Variants in CDC42BPB observed in about 807,000 individuals in gnomAD.
The protein encoded by CDC42BPB is CDC42 binding protein kinase beta, also known as serine/threonine-protein kinase MRCK beta.
Under a neutral mutation model 214.9 loss-of-function variants are expected in CDC42BPB, and 37 were observed. The ratio of observed to expected loss-of-function variants is 0.17; its 90% CI spans 0.13 to 0.23. CDC42BPB has a LOEUF of 0.23. Ranked by LOEUF, CDC42BPB falls within the 10% of genes least tolerant of loss-of-function variation. The pLI is 1.00. For missense variants in CDC42BPB, 1,694 were observed against 2,227.0 expected, an observed-to-expected ratio of 0.76 and a Z score of 4.82; for synonymous variants, 931 against 884.0, an observed-to-expected ratio of 1.05 and a Z score of -0.94.
chr14:102,976,993 T>C (rs905017444), intron 9 of CDC42BPB, among the ~76,000 whole-genome samples: 4 of 152,172 alleles, frequency 2.6e-5, no homozygotes, highest in African/African-American at 2.4e-5. Flanking sequence ...GCTTATGGGC[T>C]GTTTAACCCT....
At position 103,050,439 on chromosome 14, in the gene CDC42BPB, T is replaced by C. The variant is rs377430057; in HGVS notation, c.175+6560A>G. Among the ~76,000 whole-genome samples, 17 of 152,304 alleles carry C rather than the reference T, an allele frequency of 1.1e-4. No individual in the cohort carries two copies. The South Asian group carries it at 3.5e-3, about 32-fold the overall frequency. ...TACCCAACCTGAGTGGGGAGTGGGC[T>C]GGAGGGCAGGTTAACATGACCTCCC... On this transcript the variant is annotated intron_variant, in intron 1 of 36. Transcript: ENST00000361246.
chr14:103,028,642 G>A (rs1036797915), intron 1 of CDC42BPB, among the ~76,000 whole-genome samples: 2 of 152,234 alleles, frequency 1.3e-5, no homozygotes, highest in South Asian at 2.1e-4. Context: ...CTCAACAGGT[G>A]CATGTGAGTG....
chr14:103,031,500 G>A (rs1887373821), intron 1 of CDC42BPB, among the ~76,000 whole-genome samples: 1 of 152,176 alleles, frequency 6.6e-6, no homozygotes, highest in Non-Finnish European at 1.5e-5. Context: ...AGCTACAAGA[G>A]CTGTCAAAAA....
chr14:102,954,215 C>T lies in CDC42BPB; in HGVS notation c.3049G>A (p.Ala1017Thr). The T allele has an allele frequency of 6.5e-7, 1 of 1,549,216 alleles. No homozygotes were observed. The highest frequency in any genetic ancestry group is 1.4e-5 in the African/African-American group (1 of 73,016). ...GCCCCTACCTTCGGTCCAGCCAGAG[C>T]CAGGGCCTGCGTGGTGGGCAACGGC... ...AVPLPTTQAL[A>T]LAGPKPKAHQ... Residue 1017 changes from alanine to threonine, a missense_variant, in exon 23 of 37, where the codon GCT becomes ACT. Coordinates refer to ENST00000361246, the MANE Select transcript of CDC42BPB (RefSeq NM_006035.4).
chr14:102,943,321 G>GTCCAC lies in CDC42BPB; in HGVS notation c.4408+565_4408+569dup, dbSNP rs1353754370. 6.6e-6 allele frequency among the ~76,000 whole-genome samples: 1 copy of GTCCAC among 152,228 alleles called. No individual in the cohort carries two copies. Among genetic ancestry groups the GTCCAC allele is most frequent in the African/African-American group, 2.4e-5 (1 of 41,452 alleles). On this transcript the variant is annotated intron_variant, in intron 30 of 36. Transcript: ENST00000361246. The surrounding 1 kb of genome is among the most constrained non-coding windows in gnomAD (Gnocchi z 4.6). ...TCGGACAGCGGGCCAGTCGGGAAGT[G>GTCCAC]TCCACTGGTCCTACCTGTTCCCCAG...
At chr14:102,988,736 A>G (rs987546538) in intron 5 of CDC42BPB, among the ~76,000 whole-genome samples, 1 of 152,206 alleles carries the variant, frequency 6.6e-6, no homozygotes, top group African/African-American at 2.4e-5. Context: ...CCATTTAAAG[A>G]TAAAATTAGA....
chr14:102,972,249 T>TA, intron 12 of CDC42BPB, 88 bp from the exon 13 acceptor site: 1 of 1,555,602 alleles, frequency 6.4e-7, no homozygotes, highest in South Asian at 1.2e-5. Flanking sequence ...ATTGAGGAGT[T>TA]AAAAGCGACA....
intron 1 of CDC42BPB, among the ~76,000 whole-genome samples, chr14:103,046,099 G>C (rs1888267793): frequency 6.6e-6 from 1 of 152,054 alleles, no homozygotes; most frequent in African/African-American, 2.4e-5. Flanking sequence ...AAGGCCTGAG[G>C]GTAATGGGCA....
At position 102,946,534 on chromosome 14, in the gene CDC42BPB, C is replaced by T. The variant is rs1892185442; in HGVS notation, c.3682G>A (p.Val1228Ile). ...GAGCTGTCGTAGGCTTCCAAGGGAA[C>T]ATGCACGACCTGATTCCTCAGCCGG... is the stretch of plus-strand genomic sequence containing the variant. ...KNRLRNQVVH[V>I]PLEAYDSSLP... Residue 1228 changes from valine to isoleucine, a missense_variant, in exon 28 of 37, where the codon GTT becomes ATT. This residue lies in a region of CDC42BPB where 567 missense variants were observed against 790.3 expected (regional missense o/e 0.72). Transcript: ENST00000361246. 2 of 1,612,810 alleles carry T rather than the reference C, an allele frequency of 1.2e-6. No individual in the cohort carries two copies. Among genetic ancestry groups the T allele is most frequent in the African/African-American group, 2.7e-5 (2 of 75,060 alleles).
At position 102,954,697 on chromosome 14, in the gene CDC42BPB, AC is replaced by A; in HGVS notation, c.2902-10del. ...TCACTAGCTGAGCTGGTCTGTGAGA[AC>A]CAAGAAAGAAAGAGTGGGGTGAAAG... On this transcript the variant is annotated splice_polypyrimidine_tract_variant and intron_variant, in intron 21 of 36. Coordinates refer to ENST00000361246, the MANE Select transcript of CDC42BPB (RefSeq NM_006035.4). The A allele has an allele frequency of 4.3e-6, 7 of 1,612,080 alleles. No homozygotes were observed. The highest frequency in any genetic ancestry group is 5.9e-6 in the Non-Finnish European group (7 of 1,178,632).
At chr14:103,038,538 T>C (rs897091603) in intron 1 of CDC42BPB, among the ~76,000 whole-genome samples, 1 of 152,080 alleles carries the variant, frequency 6.6e-6, no homozygotes, top group African/African-American at 2.4e-5. Context: ...AATTACTTTT[T>C]ATTTTTTGAG....
At chr14:102,980,646 G>T (rs1893955175) in intron 8 of CDC42BPB, 127 bp downstream of exon 8, 2 of 825,778 alleles carry the variant, frequency 2.4e-6, no homozygotes, top group African/African-American at 1.7e-5. Flanking sequence ...GGAATAAAAA[G>T]CACACTGTCT....
At chr14:102,942,535 G>A (rs1256237305) in intron 30 of CDC42BPB, among the ~76,000 whole-genome samples, 1 of 152,206 alleles carries the variant, frequency 6.6e-6, no homozygotes, top group Non-Finnish European at 1.5e-5. Context: ...GAGGGATTCT[G>A]AGGTTTAAGG....
chr14:102,941,329 G>A, intron 30 of CDC42BPB: 4 of 985,474 alleles, frequency 4.1e-6, no homozygotes, highest in Non-Finnish European at 4.8e-6. Flanking sequence ...GTCTGAAGAT[G>A]CATTTTAAAA....
chr14:103,008,373 G>C, intron 3 of CDC42BPB, 99 bp downstream of exon 3: 1 of 800,970 alleles, frequency 1.2e-6, no homozygotes, highest in South Asian at 1.4e-5. Flanking sequence ...GGGAGGCCCA[G>C]GGCTGTGGGG....
chr14:102,954,104 T>C (rs926354223), intron 23 of CDC42BPB, 94 bp downstream of exon 23: 1 of 902,542 alleles, frequency 1.1e-6, no homozygotes, highest in East Asian at 2.6e-5. Context: ...ACTAAGTATG[T>C]TTTATTTATA....
chr14:102,933,352 C>T lies in CDC42BPB; in HGVS notation c.*360G>A. 4.9e-6 allele frequency: 1 copy of T among 205,764 alleles called. No homozygotes were observed. Among genetic ancestry groups the T allele is most frequent in the Non-Finnish European group, 9.6e-6 (1 of 103,784 alleles). The allele number at this position is 205,764 out of a possible 1,614,324, so 12.7% of individuals were successfully genotyped here. On this transcript the variant is annotated 3_prime_UTR_variant, in exon 37 of 37. Transcript: ENST00000361246. ...AAGACTGGGTACTGAGGCTGTGTCC[C>T]CAGATGTCTGCTTCCGAAGCAGCCG...
intron 1 of CDC42BPB, among the ~76,000 whole-genome samples, chr14:103,014,767 T>C (rs537495793): frequency 1.2e-3 from 185 of 151,664 alleles, no homozygotes; most frequent in African/African-American, 4.3e-3. Context: ...AACAAATGAG[T>C]CCTGAGTTAT....
intron 1 of CDC42BPB, among the ~76,000 whole-genome samples, chr14:103,034,987 C>G (rs183516728): frequency 3.3e-5 from 5 of 152,040 alleles, no homozygotes; most frequent in East Asian, 1.9e-4. Context: ...ACTATAAAAT[C>G]TGATCAACTG....
Sources: gnomAD v4.1 joint callset for allele counts (sites outside exome capture counted in the v4.1 genomes callset) on GRCh38, gnomAD v4.1.1 for gene constraint, gnomAD v4.1.1 regional missense constraint, Gnocchi (gnomAD v3.1) non-coding constraint, MANE v1.5 for transcripts, NCBI Gene and HGNC (gene_info 2026-07-23, HGNC 2026-07-21) for gene names.